Variants in GALNT17 observed in about 807,000 individuals in gnomAD.
The protein encoded by GALNT17 is polypeptide N-acetylgalactosaminyltransferase 17.
A neutral mutation model predicts 63.7 loss-of-function variants in GALNT17; 29 were observed. That is an observed-to-expected ratio of 0.46 (90% CI 0.34 to 0.62). GALNT17 has a LOEUF of 0.62. Ranked by LOEUF, GALNT17 falls within the 20% of genes least tolerant of loss-of-function variation. The pLI, the probability that GALNT17 is intolerant of heterozygous loss-of-function variation, is 0.01. For synonymous variants in GALNT17, 305 were observed against 318.3 expected (o/e 0.96, Z 0.45); for missense variants, 603 against 799.6 (o/e 0.75, Z 2.97).
At chr7:71,549,300 C>T (rs1187746602) in intron 5 of GALNT17, among the ~76,000 whole-genome samples, 1 of 152,168 alleles carries the variant, frequency 6.6e-6, no homozygotes, top group African/African-American at 2.4e-5. Flanking sequence ...GGCACGGTGG[C>T]TCATTCCTGT....
At position 71,188,209 on chromosome 7, in the gene GALNT17, C is replaced by T. The variant is rs149198642; in HGVS notation, c.238+55169C>T. Among the ~76,000 whole-genome samples, 1,391 of 152,138 alleles carry T rather than the reference C, an allele frequency of 9.1e-3. 24 individuals carry two copies. The highest frequency in any genetic ancestry group is 0.032 in the African/African-American group (1,329 of 41,478). Reference sequence around the variant, plus strand: ...TAAACGTGTGTGCAAGTATCTTTTTCGTATAATGACTTCTTTTCCTCTGGG... The same window carrying T: ...TAAACGTGTGTGCAAGTATCTTTTTTGTATAATGACTTCTTTTCCTCTGGG... On this transcript the variant is annotated intron_variant, in intron 1 of 10. Transcript: ENST00000333538.
chr7:71,530,957 TG>T (rs1788711169), intron 5 of GALNT17, among the ~76,000 whole-genome samples: 1 of 152,224 alleles, frequency 6.6e-6, no homozygotes, highest in Non-Finnish European at 1.5e-5. Context: ...TCTGTGATGA[TG>T]GAAACACTTC....
At chr7:71,233,705 G>C (rs1789835674) in intron 1 of GALNT17, among the ~76,000 whole-genome samples, 1 of 150,652 alleles carries the variant, frequency 6.6e-6, no homozygotes, top group African/African-American at 2.5e-5. Context: ...TGCCTTTGGG[G>C]CTCTCATTCT....
intron 6 of GALNT17, among the ~76,000 whole-genome samples, chr7:71,621,522 G>GATGT (rs1790290931): frequency 8.8e-6 from 1 of 113,108 alleles, no homozygotes; most frequent in Non-Finnish European, 1.9e-5. Flanking sequence ...TGGATGGATG[G>GATGT]ATGGATGGAT....
chr7:71,240,080 C>T (rs762040171), intron 1 of GALNT17, among the ~76,000 whole-genome samples: 1 of 152,142 alleles, frequency 6.6e-6, no homozygotes, highest in African/African-American at 2.4e-5. Context: ...ACATTTCCCA[C>T]GTTTTCCCTT....
intron 6 of GALNT17, among the ~76,000 whole-genome samples, chr7:71,637,386 T>C (rs1242903056): frequency 6.6e-6 from 1 of 152,044 alleles, no homozygotes; most frequent in Non-Finnish European, 1.5e-5. Context: ...GATTTCACCA[T>C]GTTGGCCAGA....
At chr7:71,622,555 A>G (rs939794057) in intron 6 of GALNT17, among the ~76,000 whole-genome samples, 5 of 151,990 alleles carry the variant, frequency 3.3e-5, no homozygotes, top group African/African-American at 1.2e-4. Flanking sequence ...TTGGACTCCT[A>G]CCTTGCCCAT....
intron 7 of GALNT17, among the ~76,000 whole-genome samples, chr7:71,667,402 C>T (rs560512608): frequency 2.6e-5 from 4 of 152,302 alleles, no homozygotes; most frequent in African/African-American, 9.6e-5. Context: ...ATTCGTTGAG[C>T]ACTTACTATG....
intron 1 of GALNT17, among the ~76,000 whole-genome samples, chr7:71,251,737 A>G (rs1260513492): frequency 1.3e-5 from 2 of 152,176 alleles, no homozygotes; most frequent in Admixed American, 1.3e-4. Flanking sequence ...TTTTGGACCT[A>G]TATCGGATTG....
chr7:71,211,968 C>A (rs35607539), intron 1 of GALNT17, among the ~76,000 whole-genome samples: 56,349 of 152,048 alleles, frequency 0.37, 10,769 homozygotes, highest in South Asian at 0.53. Flanking sequence ...AAAGAAAAAA[C>A]CCATTTTCTG....
At chr7:71,302,212 G>A (rs1036024210) in intron 1 of GALNT17, among the ~76,000 whole-genome samples, 3 of 152,150 alleles carry the variant, frequency 2.0e-5, no homozygotes, top group Non-Finnish European at 2.9e-5. Context: ...GGGCAGGGGT[G>A]GGGAGAGCAT....
At chr7:71,560,048 G>T (rs1284042978) in intron 5 of GALNT17, among the ~76,000 whole-genome samples, 1 of 151,730 alleles carries the variant, frequency 6.6e-6, no homozygotes, top group Non-Finnish European at 1.5e-5. Flanking sequence ...CAAAAAATTA[G>T]CTGGGTGTAG....
At chr7:71,250,631 G>A (rs915821907) in intron 1 of GALNT17, among the ~76,000 whole-genome samples, 3 of 152,038 alleles carry the variant, frequency 2.0e-5, no homozygotes, top group East Asian at 1.9e-4. Context: ...TTTTCCCCTC[G>A]AACAAGGTTT....
intron 1 of GALNT17, among the ~76,000 whole-genome samples, chr7:71,311,184 C>T (rs553961856): frequency 5.3e-5 from 8 of 152,276 alleles, no homozygotes; most frequent in Admixed American, 4.6e-4. Flanking sequence ...CCAGTTAACC[C>T]TACGTTTTCT....
intron 5 of GALNT17, among the ~76,000 whole-genome samples, chr7:71,488,904 T>TTC (rs1425147671): frequency 3.0e-5 from 4 of 131,936 alleles, no homozygotes; most frequent in African/African-American, 8.6e-5. Context: ...TTTTTTTTTT[T>TTC]TTTTTTTTTG....
At chr7:71,217,140 G>GTTTTTTTT (rs200574411) in intron 1 of GALNT17, among the ~76,000 whole-genome samples, 6 of 95,204 alleles carry the variant, frequency 6.3e-5, no homozygotes, top group Non-Finnish European at 1.1e-4. Flanking sequence ...ATTTTTTCGT[G>GTTTTTTTT]TTTTGTTTTT....
intron 1 of GALNT17, among the ~76,000 whole-genome samples, chr7:71,277,199 G>A (rs1354139616): frequency 6.6e-6 from 1 of 152,108 alleles, no homozygotes; most frequent in African/African-American, 2.4e-5. Flanking sequence ...CACATGGGTA[G>A]AGCTGGAGAC....
intron 5 of GALNT17, among the ~76,000 whole-genome samples, chr7:71,433,191 G>A (rs1786900079): frequency 6.6e-6 from 1 of 152,156 alleles, no homozygotes; most frequent in Non-Finnish European, 1.5e-5. Flanking sequence ...TCATCTTCCA[G>A]ATAAAAACAG....
At chr7:71,565,522 G>C (rs1227706530) in intron 5 of GALNT17, among the ~76,000 whole-genome samples, 2 of 115,228 alleles carry the variant, frequency 1.7e-5, no homozygotes, top group Non-Finnish European at 3.4e-5. Flanking sequence ...CCCCTAGTTA[G>C]AGCACACTCC....
Sources: allele counts gnomAD v4.1 joint callset (sites outside exome capture counted in the v4.1 genomes callset), GRCh38; gene constraint gnomAD v4.1.1; transcripts MANE v1.5; gene names NCBI Gene and HGNC (gene_info 2026-07-23, HGNC 2026-07-21).